Variants in DPH1 observed in about 807,000 individuals in gnomAD.
DPH1 encodes 2-(3-amino-3-carboxypropyl)histidine synthase subunit 1.
In DPH1, 59 loss-of-function variants were observed where a neutral mutation model predicts 55.3. The observed-to-expected ratio is 1.07, with a 90% CI of 0.87 to 1.33. The LOEUF is 1.33. Among genes scored for constraint, DPH1 ranks in the 40% most tolerant of loss-of-function variants. The pLI is 0.00. For missense variants in DPH1, 628 were observed against 584.8 expected, an observed-to-expected ratio of 1.07 and a Z score of -0.76; for synonymous variants, 238 against 235.5, an observed-to-expected ratio of 1.01 and a Z score of -0.10.
intron 9 of DPH1, chr17:2,040,824 T>A: frequency 1.6e-6 from 1 of 636,958 alleles, no homozygotes; most frequent in East Asian, 2.7e-5. Flanking sequence ...GAGATGAGTT[T>A]GAGCGGTGGC....
At chr17:2,037,160 GGCT>G in intron 6 of DPH1, 1 of 670,284 alleles carries the variant, frequency 1.5e-6, no homozygotes. Context: ...TCATCCAGAA[GGCT>G]GTGCAGGGTG....
chr17:2,036,892 C>T lies in DPH1; in HGVS notation c.616C>T (p.Leu206=). 1.2e-6 allele frequency: 2 copies of T among 1,613,888 alleles called. No homozygotes were observed. The highest frequency in any genetic ancestry group is 8.5e-7 in the Non-Finnish European group (1 of 1,180,002). The change falls in exon 6 of 13, where the codon CTG becomes TTG. Residue 206 remains leucine, a synonymous_variant. Coordinates refer to ENST00000263083, the MANE Select transcript of DPH1 (RefSeq NM_001383.6). This position sits in a 1 kb window ranked among gnomAD's most constrained non-coding sequence, Gnocchi z 4.8. ...TGTGAGTGTCCCACAGTGCAAGCCCCTGTCCCCTGGAGAGATCCTGGGCTG... is the reference window on the plus strand; with the variant it reads ...TGTGAGTGTCCCACAGTGCAAGCCCTTGTCCCCTGGAGAGATCCTGGGCTG... ...YRVSVPQCKP[L]SPGEILGCTS... is the part of the protein sequence containing the mutation.
chr17:2,035,688 C>T (rs1186416354), intron 3 of DPH1, among the ~76,000 whole-genome samples: 2 of 152,100 alleles, frequency 1.3e-5, no homozygotes, highest in East Asian at 1.9e-4. Context: ...TTTGACCCCA[C>T]GTGTGCCGGA....
Position 2,041,136 on chromosome 17 carries a change from T to C in DPH1, c.1041T>C (p.Ile347=). Residue 347 remains isoleucine (I), a synonymous_variant, in exon 10 of 13, where the codon ATT becomes ATC. Transcript: ENST00000263083. ...AGGTGGCATGTCCACGTCTCTCCAT[T>C]GACTGGGGCACAGCCTTCCCCAAGC... is the stretch of plus-strand genomic sequence containing the variant. ...WVQVACPRLS[I]DWGTAFPKPL... 1 of 1,605,780 alleles carries C rather than the reference T, an allele frequency of 6.2e-7. No individual in the cohort carries two copies. The highest frequency in any genetic ancestry group is 8.5e-7 in the Non-Finnish European group (1 of 1,176,292).
intron 3 of DPH1, among the ~76,000 whole-genome samples, chr17:2,035,756 C>T (rs935322954): frequency 6.6e-6 from 1 of 152,074 alleles, no homozygotes; most frequent in Non-Finnish European, 1.5e-5. Flanking sequence ...AGGGTCCTCA[C>T]GCAGCAACAG....
At chr17:2,041,707 C>CGGAGCGGAGG (rs1386028760) in intron 11 of DPH1, 61 bp from the exon 12 acceptor site, 8 of 1,579,784 alleles carry the variant, frequency 5.1e-6, no homozygotes, top group African/African-American at 1.4e-5. Context: ...CGCACAGGAG[C>CGGAGCGGAGG]GGAGCGGAGG....
Position 2,043,354 on chromosome 17 carries a change from T to G in DPH1, c.*768T>G, listed in dbSNP as rs1459828398. On this transcript the variant is annotated 3_prime_UTR_variant, in exon 13 of 13. Transcript: ENST00000263083. Reference sequence around the variant, plus strand: ...ATGAATATGGTTGGAGAGCCCTGGATTAGGAGGGTGACATGGGGAAGGCAG... The same window carrying G: ...ATGAATATGGTTGGAGAGCCCTGGAGTAGGAGGGTGACATGGGGAAGGCAG... The G allele has an allele frequency of 2.1e-6, 1 of 470,352 alleles. No individual in the cohort carries two copies. Among genetic ancestry groups the G allele is most frequent in the Non-Finnish European group, 3.7e-6 (1 of 267,916 alleles). 29.1% of individuals were successfully genotyped at this position (470,352 alleles called of 1,614,324 possible).
rs946008995 is a variant in DPH1 at position 2,043,017 on chromosome 17, C to T, written c.*431C>T. 188 of 1,613,976 alleles carry T rather than the reference C, an allele frequency of 1.2e-4. No homozygotes were observed. The highest frequency in any genetic ancestry group is 1.5e-4 in the Non-Finnish European group (174 of 1,180,038). ...CCAGCCAATTTCCCGGAGCCATCAC[C>T]CTCACCCACTCTGGTGGCCACTTCA... On this transcript the variant is annotated 3_prime_UTR_variant, in exon 13 of 13. Coordinates refer to ENST00000263083, the MANE Select transcript of DPH1 (RefSeq NM_001383.6).
Position 2,036,330 on chromosome 17 carries a change from G to A in DPH1, c.401-199G>A. The A allele has an allele frequency of 1.9e-6, 2 of 1,052,972 alleles. No homozygotes were observed. The highest frequency in any genetic ancestry group is 2.7e-6 in the Non-Finnish European group (2 of 747,494). 65.2% of individuals were successfully genotyped at this position (1,052,972 alleles called of 1,614,324 possible). On this transcript the variant is annotated intron_variant, in intron 4 of 12. Coordinates refer to ENST00000263083, the MANE Select transcript of DPH1 (RefSeq NM_001383.6). This position sits in a 1 kb window ranked among gnomAD's most constrained non-coding sequence, Gnocchi z 4.8. ...TTGAAAGGCTGTTGGTTGTAGAGCA[G>A]GCTGGGCCCCGGCCGGGTGACAGAG...
Position 2,041,313 on chromosome 17 carries a change from G to A in DPH1, c.1086+132G>A, listed in dbSNP as rs1011321168. ...CGGAGTCTGTCTCGATTTCTCCAGC[G>A]GAGTCACTTCCTAGCTGTGTAGCCT... On this transcript the variant is annotated intron_variant, in intron 10 of 12. Transcript: ENST00000263083. The A allele has an allele frequency of 4.6e-5, 67 of 1,454,332 alleles. No individual in the cohort carries two copies. In the African/African-American group the frequency reaches 7.7e-4, roughly 17 times the overall value. The allele number at this position is 1,454,332 out of a possible 1,614,324, so 90.1% of individuals were successfully genotyped here.
At position 2,042,112 on chromosome 17, in the gene DPH1, T is replaced by C. The variant is rs1008908830; in HGVS notation, c.*18+237T>C. 4.5e-6 allele frequency: 7 copies of C among 1,568,128 alleles called. No homozygotes were observed. In the African/African-American group the frequency reaches 9.7e-5, roughly 22 times the overall value. On this transcript the variant is annotated intron_variant, in intron 12 of 12. Transcript: ENST00000263083. ...GGCTTCCGGCAGAGCGAGCGGGGCT[T>C]CCGTGAGAAGACCGGGGCGCTGAGG...
intron 1 of DPH1, among the ~76,000 whole-genome samples, chr17:2,030,658 A>G (rs2067318861): frequency 6.6e-6 from 1 of 152,242 alleles, no homozygotes; most frequent in Non-Finnish European, 1.5e-5. Context: ...TGCAGGTACT[A>G]GAATCAGAGA....
rs371219676 is a variant in DPH1, at chr17:2,036,737, C to T, written c.558+51C>T. On this transcript the variant is annotated intron_variant, in intron 5 of 12. Transcript: ENST00000263083. The surrounding 1 kb of genome is among the most constrained non-coding windows in gnomAD (Gnocchi z 4.8). ...TCCTGCAGGGTGGACAGCGGCCACT[C>T]TCCAGCTGTTGCGGGATCCCCAGGT... 2 of 1,610,802 alleles carry T rather than the reference C, an allele frequency of 1.2e-6. No individual in the cohort carries two copies. Among genetic ancestry groups the T allele is most frequent in the Non-Finnish European group, 8.5e-7 (1 of 1,177,924 alleles).
intron 3 of DPH1, among the ~76,000 whole-genome samples, chr17:2,034,126 G>A (rs1219109132): frequency 6.6e-6 from 1 of 152,020 alleles, no homozygotes; most frequent in African/African-American, 2.4e-5. Flanking sequence ...AGAGCAGGTG[G>A]TAGGACCTGG....
chr17:2,031,959 T>A (rs1010440909), intron 1 of DPH1, among the ~76,000 whole-genome samples: 1 of 152,190 alleles, frequency 6.6e-6, no homozygotes, highest in Non-Finnish European at 1.5e-5. Context: ...TCCACCACCC[T>A]GACTCAAGTG....
chr17:2,038,992 A>C (rs1487998729), intron 6 of DPH1: 1 of 152,218 alleles, frequency 6.6e-6, no homozygotes, highest in African/African-American at 2.4e-5. Flanking sequence ...CAAGGCTCCA[A>C]GAGGTGAAGT....
intron 7 of DPH1, 111 bp from the exon 8 acceptor site, chr17:2,040,107 C>G (rs2067491202): frequency 6.9e-7 from 1 of 1,442,076 alleles, no homozygotes. Flanking sequence ...TTCTTAATTA[C>G]CTGCGTGGGG....
rs1211946382 is a variant in DPH1 at position 2,042,617 on chromosome 17, C to T, written c.*31C>T. 14 of 1,519,530 alleles carry T rather than the reference C, an allele frequency of 9.2e-6. No homozygotes were observed. Among genetic ancestry groups the T allele is most frequent in the East Asian group, 9.1e-5 (4 of 44,142 alleles). 94.1% of individuals were successfully genotyped at this position (1,519,530 alleles called of 1,614,324 possible). A position where few individuals can be genotyped will look rare whatever the true frequency, so the allele number is the denominator to read the frequency against. On this transcript the variant is annotated 3_prime_UTR_variant, in exon 13 of 13. Transcript: ENST00000263083. ...CATATCGCTGTAGGGTCCTGCCCTC[C>T]GGAGGAGCAGCCTCGAGGCTGGTGG...
intron 10 of DPH1, 119 bp downstream of exon 10, chr17:2,041,300 C>A: frequency 6.8e-7 from 1 of 1,467,850 alleles, no homozygotes; most frequent in Non-Finnish European, 9.3e-7. Flanking sequence ...GAGTCTGTCT[C>A]GATTTCTCCA....
Sources: gnomAD v4.1 joint callset for allele counts (sites outside exome capture counted in the v4.1 genomes callset) on GRCh38, gnomAD v4.1.1 for gene constraint, Gnocchi (gnomAD v3.1) non-coding constraint, MANE v1.5 for transcripts, NCBI Gene and HGNC (gene_info 2026-07-23, HGNC 2026-07-21) for gene names.